Variants in R3HDM4 observed in about 807,000 individuals in gnomAD.
The protein encoded by R3HDM4 is R3H domain-containing protein 4.
R3HDM4 carries 30 observed loss-of-function variants against 31.3 expected under a neutral mutation model. That is an observed-to-expected ratio of 0.96 (90% CI 0.72 to 1.30). R3HDM4 has a LOEUF of 1.30. R3HDM4 is among the 50% of genes most tolerant of loss of function. The pLI is 0.00. For synonymous variants in R3HDM4, 196 were observed against 156.6 expected, an observed-to-expected ratio of 1.25 and a Z score of -1.88; for missense variants, 444 against 366.1, an observed-to-expected ratio of 1.21 and a Z score of -1.74.
At chr19:911,029 G>A (rs1251266334) in intron 1 of R3HDM4, among the ~76,000 whole-genome samples, 4 of 152,138 alleles carry the variant, frequency 2.6e-5, no homozygotes, top group Non-Finnish European at 5.9e-5. Context: ...GCTGAGGCAG[G>A]AGAATGGCGT....
chr19:909,401 C>G (rs984985484), intron 1 of R3HDM4, among the ~76,000 whole-genome samples: 4 of 152,092 alleles, frequency 2.6e-5, no homozygotes, highest in Admixed American at 6.6e-5. Flanking sequence ...CCCAACCCCC[C>G]ACCAGGACAC....
At chr19:910,766 G>A (rs749230588) in intron 1 of R3HDM4, among the ~76,000 whole-genome samples, 3 of 152,108 alleles carry the variant, frequency 2.0e-5, no homozygotes, top group Non-Finnish European at 2.9e-5. Context: ...TGGCCTCTGA[G>A]TGGAGATAAT....
intron 4 of R3HDM4, among the ~76,000 whole-genome samples, chr19:900,402 A>C (rs1599357158): frequency 7.3e-6 from 1 of 136,872 alleles, no homozygotes; most frequent in African/African-American, 2.8e-5. Context: ...GGCCCCACCC[A>C]CTCCAGGCCC....
intron 1 of R3HDM4, among the ~76,000 whole-genome samples, chr19:906,704 C>G (rs561736160): frequency 3.7e-4 from 57 of 152,304 alleles, no homozygotes; most frequent in Non-Finnish European, 7.9e-4. Flanking sequence ...GTAAGTGTCG[C>G]TGGACTGAGT....
At chr19:910,212 C>A (rs982821174) in intron 1 of R3HDM4, among the ~76,000 whole-genome samples, 9 of 152,176 alleles carry the variant, frequency 5.9e-5, no homozygotes, top group African/African-American at 2.2e-4. Flanking sequence ...GTAATCCCAG[C>A]TACTCAGGAG....
rs2036791488 is a variant in R3HDM4, at chr19:899,338, T to C, written c.703+102A>G. On this transcript the variant is annotated intron_variant, in intron 7 of 7. Transcript: ENST00000361574. This position sits in a 1 kb window ranked among gnomAD's most constrained non-coding sequence, Gnocchi z 6.8. ...CCCCACTCCAGCCCCCTTCCCCACCTCCCCACCAAGCCCCACTCTGAGGAA... is the reference window on the plus strand; with the variant it reads ...CCCCACTCCAGCCCCCTTCCCCACCCCCCCACCAAGCCCCACTCTGAGGAA... 3 of 708,102 alleles carry C rather than the reference T, an allele frequency of 4.2e-6. No homozygotes were observed. Among genetic ancestry groups the C allele is most frequent in the African/African-American group, 3.7e-5 (2 of 54,028 alleles). The allele number at this position is 708,102 out of a possible 1,614,324, so 43.9% of individuals were successfully genotyped here. A position where few individuals can be genotyped will look rare whatever the true frequency, so the allele number is the denominator to read the frequency against.
chr19:899,571 G>A lies in R3HDM4; in HGVS notation c.647+30C>T, dbSNP rs1471119114. ...CCGCCCACCTGGCCGCAGCCTCGGA[G>A]GGTCCGCTCGCCTGGCCGCCCCCCC... On this transcript the variant is annotated intron_variant, in intron 6 of 7. Transcript: ENST00000361574. This position sits in a 1 kb window ranked among gnomAD's most constrained non-coding sequence, Gnocchi z 6.8. 4 of 1,612,036 alleles carry A rather than the reference G, an allele frequency of 2.5e-6. No individual in the cohort carries two copies. The highest frequency in any genetic ancestry group is 2.5e-6 in the Non-Finnish European group (3 of 1,179,132).
intron 1 of R3HDM4, among the ~76,000 whole-genome samples, chr19:912,874 T>C (rs1265176471): frequency 1.3e-5 from 2 of 151,112 alleles, no homozygotes; most frequent in Non-Finnish European, 3.0e-5. Flanking sequence ...TGAGTAACAA[T>C]GAAGACCCCC....
Position 900,832 on chromosome 19 carries a change from TC to T in R3HDM4, c.471del (p.Arg158GlufsTer56). Reference protein sequence around the residue: ...RRGPGRGEDRRREDPAYTPRE... With the variant: ...RRGPGRGEDRXREDPAYTPRE... ...CCCGCCCCAGCCAGGCCCGCACCTCTCCTCCGGTCCTCCCCACGGCCAGGGC... is the reference window on the plus strand; with the variant it reads ...CCCGCCCCAGCCAGGCCCGCACCTCTCTCCGGTCCTCCCCACGGCCAGGGC... On this transcript the variant is annotated frameshift_variant, in exon 4 of 8. Transcript: ENST00000361574. LOFTEE classifies it high-confidence loss of function. 8.0e-7 allele frequency: 1 copy of T among 1,246,516 alleles called. No individual in the cohort carries two copies. The highest frequency in any genetic ancestry group is 1.3e-5 in the South Asian group (1 of 78,010). 77.2% of individuals were successfully genotyped at this position (1,246,516 alleles called of 1,614,324 possible). A position where few individuals can be genotyped will look rare whatever the true frequency, so the allele number is the denominator to read the frequency against.
At position 907,229 on chromosome 19, in the gene R3HDM4, C is replaced by T. The variant is rs183012909; in HGVS notation, c.72-5099G>A. ...ACCATGCCCTCAGCACAGAGCACAG[C>T]AGCCGACGGGTACTCAGTGGGAATA... is the stretch of plus-strand genomic sequence containing the variant. On this transcript the variant is annotated intron_variant, in intron 1 of 7. Transcript: ENST00000361574. The surrounding 1 kb of genome is among the most constrained non-coding windows in gnomAD (Gnocchi z 4.1). 3.9e-4 allele frequency among the ~76,000 whole-genome samples: 60 copies of T among 152,196 alleles called. No homozygotes were observed. Among genetic ancestry groups the T allele is most frequent in the Non-Finnish European group, 7.3e-4 (50 of 68,032 alleles).
rs370226289 is a variant in R3HDM4 at position 900,873 on chromosome 19, T to C, written c.431A>G (p.Lys144Arg). The change falls in exon 4 of 8, where the codon AAG (lysine) becomes AGG (arginine). Residue 144 changes from lysine to arginine, a missense_variant. Transcript: ENST00000361574. ...ACGGCCAGGGCCCCTCCTCCGCGCC[T>C]TGCTCCTGCCCTCATCCTCCAGGTA... Reference protein sequence around the residue: ...LRYLEDEGRSKARRRGPGRGE... With the variant: ...LRYLEDEGRSRARRRGPGRGE... The C allele has an allele frequency of 9.3e-5, 142 of 1,521,548 alleles. 1 individual carries two copies. In the African/African-American group the frequency reaches 1.5e-3, roughly 16 times the overall value. 94.3% of individuals were successfully genotyped at this position (1,521,548 alleles called of 1,614,324 possible). A position where few individuals can be genotyped will look rare whatever the true frequency, so the allele number is the denominator to read the frequency against.
chr19:909,899 C>T (rs1388159627), intron 1 of R3HDM4, among the ~76,000 whole-genome samples: 1 of 151,082 alleles, frequency 6.6e-6, no homozygotes, highest in Non-Finnish European at 1.5e-5. Context: ...TTAGAGGAGA[C>T]GTTACGTGGG....
intron 3 of R3HDM4, 174 bp downstream of exon 3, chr19:901,248 T>G: frequency 4.3e-6 from 3 of 705,866 alleles, no homozygotes; most frequent in Non-Finnish European, 6.8e-6. Flanking sequence ...GTTCCAGGGG[T>G]GGGGTGGGGA....
In R3HDM4 at chr19:902,061, T is replaced by C. The variant is rs754232718; in HGVS notation, c.141A>G (p.Lys47=). 3.1e-6 allele frequency: 5 copies of C among 1,613,882 alleles called. No individual in the cohort carries two copies. Among genetic ancestry groups the C allele is most frequent in the Non-Finnish European group, 4.2e-6 (5 of 1,179,992 alleles). Residue 47 remains lysine (K), a synonymous_variant, in exon 2 of 8, where the codon AAA becomes AAG. Coordinates refer to ENST00000361574, the MANE Select transcript of R3HDM4 (RefSeq NM_138774.4). ...QVKRLSASRR[K]QHFINQAVRN... The stretch of plus-strand genomic sequence containing the variant: ...GCACTGCCTGGTTGATGAAGTGCTG[T>C]TTCCGCCTGGAAGCCGAGAGTCTCT...
chr19:897,961 C>T (rs1200681056), intron 7 of R3HDM4, among the ~76,000 whole-genome samples: 2 of 152,164 alleles, frequency 1.3e-5, no homozygotes, highest in East Asian at 3.9e-4. Context: ...CCATCTCCCC[C>T]TCACTGCAGA....
At chr19:910,702 T>G (rs1427078699) in intron 1 of R3HDM4, among the ~76,000 whole-genome samples, 1 of 151,998 alleles carries the variant, frequency 6.6e-6, no homozygotes, top group East Asian at 1.9e-4. Flanking sequence ...AATCAACCAA[T>G]CAAAGACGCA....
chr19:901,546 G>A lies in R3HDM4; in HGVS notation c.227C>T (p.Thr76Ile). Reference protein sequence around the residue: ...GRKSLQRLENTQYLLTLLETD... With the variant: ...GRKSLQRLENIQYLLTLLETD... Reference sequence around the variant, plus strand: ...CTCCAGCAGGGTCAGGAGGTACTGGGCTAGGTGGAAACAGATGCTCTCTGG... The same window carrying A: ...CTCCAGCAGGGTCAGGAGGTACTGGACTAGGTGGAAACAGATGCTCTCTGG... Residue 76 changes from threonine to isoleucine, a missense_variant and splice_region_variant, in exon 3 of 8, where the codon ACC becomes ATC. Transcript: ENST00000361574. 1 of 1,603,192 alleles carries A rather than the reference G, an allele frequency of 6.2e-7. No individual in the cohort carries two copies.
Position 899,787 on chromosome 19 carries a change from T to C in R3HDM4, c.562-101A>G. 2 of 941,876 alleles carry C rather than the reference T, an allele frequency of 2.1e-6. No individual in the cohort carries two copies. Among genetic ancestry groups the C allele is most frequent in the Non-Finnish European group, 3.1e-6 (2 of 639,364 alleles). 58.3% of individuals were successfully genotyped at this position (941,876 alleles called of 1,614,324 possible). ...GAGCCCACAGCGCTGGGCTCAAACA[T>C]GACCTCTGACCCACCACGTGAGGCT... On this transcript the variant is annotated intron_variant, in intron 5 of 7. Coordinates refer to ENST00000361574, the MANE Select transcript of R3HDM4 (RefSeq NM_138774.4). This position sits in a 1 kb window ranked among gnomAD's most constrained non-coding sequence, Gnocchi z 6.8.
At chr19:912,988 G>C in intron 1 of R3HDM4, 99 bp downstream of exon 1, 1 of 373,666 alleles carries the variant, frequency 2.7e-6, no homozygotes. Flanking sequence ...AACGAGGGGA[G>C]GGAAGGGAAA....
Sources: allele counts gnomAD v4.1 joint callset (sites outside exome capture counted in the v4.1 genomes callset), GRCh38; gene constraint gnomAD v4.1.1; non-coding constraint Gnocchi (gnomAD v3.1); transcripts MANE v1.5; gene names NCBI Gene and HGNC (gene_info 2026-07-23, HGNC 2026-07-21).